SUMF1: variants seen among roughly 807,000 people sequenced by gnomAD.
The protein encoded by SUMF1 is sulfatase modifying factor 1.
Under a neutral mutation model 47.6 loss-of-function variants are expected in SUMF1, and 48 were observed. The ratio of observed to expected loss-of-function variants is 1.01; its 90% CI spans 0.80 to 1.28. The LOEUF (loss-of-function observed/expected upper bound fraction) is 1.28, where lower values mean the gene tolerates loss of function less well. Among genes scored for constraint, SUMF1 ranks in the 50% most tolerant of loss-of-function variants. The pLI is 0.00. For synonymous variants in SUMF1, 230 were observed against 192.1 expected (o/e 1.20, Z -1.63); for missense variants, 571 against 485.4 (o/e 1.18, Z -1.66).
intron 8 of SUMF1, among the ~76,000 whole-genome samples, chr3:4,297,598 G>A (rs1208633847): frequency 1.5e-5 from 2 of 129,164 alleles, no homozygotes; most frequent in South Asian, 4.9e-4. Context: ...GATGGAGTCT[G>A]GCTACGTTGC....
intron 8 of SUMF1, among the ~76,000 whole-genome samples, chr3:4,130,714 C>G (rs981498257): frequency 6.6e-6 from 1 of 151,966 alleles, no homozygotes; most frequent in Non-Finnish European, 1.5e-5. Context: ...CCTCCTACAA[C>G]CAAGAAAGAG....
In SUMF1 at chr3:4,189,926, G is replaced by C. The variant is rs190375159; in HGVS notation, c.1015-121181C>G. 9.3e-4 allele frequency among the ~76,000 whole-genome samples: 141 copies of C among 152,200 alleles called. 1 individual carries two copies. Among genetic ancestry groups the C allele is most frequent in the Admixed American group, 6.1e-3 (93 of 15,264 alleles). ...TCATGTAAAGTGTCTGCTTTCATCT[G>C]AGCATCTGCAAAATCAATTTTCCTT... On this transcript the variant is annotated intron_variant and NMD_transcript_variant, in intron 8 of 12. Transcript: ENST00000448413.
At chr3:4,147,183 G>A (rs1032710697) in intron 8 of SUMF1, among the ~76,000 whole-genome samples, 1 of 152,164 alleles carries the variant, frequency 6.6e-6, no homozygotes, top group Non-Finnish European at 1.5e-5. Context: ...TGGAGAGGAT[G>A]TGGGGAAATA....
chr3:4,157,583 G>T (rs2686697), intron 8 of SUMF1, among the ~76,000 whole-genome samples: 5 of 151,212 alleles, frequency 3.3e-5, no homozygotes, highest in South Asian at 2.1e-4. Context: ...TTGACTTCTA[G>T]GTCATCCTGC....
intron 9 of SUMF1, among the ~76,000 whole-genome samples, chr3:4,044,425 G>GCC (rs1694969796): frequency 6.6e-6 from 1 of 152,134 alleles, no homozygotes; most frequent in African/African-American, 2.4e-5. Context: ...TGAAATGGTT[G>GCC]CCCAAAATGA....
intron 8 of SUMF1, among the ~76,000 whole-genome samples, chr3:4,212,774 T>C (rs1190363281): frequency 6.6e-6 from 1 of 152,122 alleles, no homozygotes; most frequent in Non-Finnish European, 1.5e-5. Flanking sequence ...TACACAAGTA[T>C]CAATAGCCGA....
chr3:4,205,041 C>T (rs1282265160), intron 8 of SUMF1, among the ~76,000 whole-genome samples: 2 of 152,072 alleles, frequency 1.3e-5, no homozygotes, highest in East Asian at 3.9e-4. Flanking sequence ...CCAAGCTAAG[C>T]CACCATATCC....
intron 8 of SUMF1, among the ~76,000 whole-genome samples, chr3:4,301,267 G>GTCAACA: frequency 6.6e-6 from 1 of 152,158 alleles, no homozygotes; most frequent in Non-Finnish European, 1.5e-5. Context: ...CAAGTAGAAT[G>GTCAACA]GCTTTTTGAG....
At chr3:4,209,269 A>G (rs1237324662) in intron 8 of SUMF1, among the ~76,000 whole-genome samples, 1 of 152,176 alleles carries the variant, frequency 6.6e-6, no homozygotes, top group African/African-American at 2.4e-5. Flanking sequence ...TTAAAATCCT[A>G]CATACAAAAA....
chr3:4,077,765 C>T (rs1418317186), intron 8 of SUMF1, among the ~76,000 whole-genome samples: 4 of 152,014 alleles, frequency 2.6e-5, no homozygotes, highest in African/African-American at 9.7e-5. Context: ...TGTAACAAAC[C>T]TGCACGTTGT....
intron 6 of SUMF1, among the ~76,000 whole-genome samples, chr3:4,411,679 T>G (rs1701545968): frequency 6.7e-6 from 1 of 150,344 alleles, no homozygotes; most frequent in Non-Finnish European, 1.5e-5. Flanking sequence ...AGTGCAGAGT[T>G]TTTATAAAAG....
intron 8 of SUMF1, among the ~76,000 whole-genome samples, chr3:4,163,496 G>C (rs1220320991): frequency 1.5e-5 from 1 of 68,416 alleles, no homozygotes; most frequent in Non-Finnish European, 3.9e-5. Flanking sequence ...ATCTCTCAAA[G>C]ACCTATTACA....
At chr3:4,337,319 T>A (rs1246662719) in intron 8 of SUMF1, among the ~76,000 whole-genome samples, 1 of 151,336 alleles carries the variant, frequency 6.6e-6, no homozygotes, top group Non-Finnish European at 1.5e-5. Context: ...ATCACCTCCA[T>A]CACCCTACTG....
chr3:4,164,622 G>A (rs1694657387), intron 8 of SUMF1, among the ~76,000 whole-genome samples: 1 of 152,134 alleles, frequency 6.6e-6, no homozygotes, highest in African/African-American at 2.4e-5. Flanking sequence ...GAACCACCAA[G>A]GTTTGTTTGT....
chr3:4,053,293 T>A (rs949075745), intron 9 of SUMF1, among the ~76,000 whole-genome samples: 2 of 152,094 alleles, frequency 1.3e-5, no homozygotes, highest in African/African-American at 2.4e-5. Context: ...TGGACATGGT[T>A]CGTGGCACCC....
chr3:4,130,202 C>T (rs780804096), intron 8 of SUMF1, among the ~76,000 whole-genome samples: 1 of 152,130 alleles, frequency 6.6e-6, no homozygotes, highest in Non-Finnish European at 1.5e-5. Context: ...ATAAGCTTAA[C>T]CAACTGGCGA....
intron 8 of SUMF1, among the ~76,000 whole-genome samples, chr3:4,191,299 T>G (rs1001458760): frequency 6.6e-6 from 1 of 152,110 alleles, no homozygotes; most frequent in African/African-American, 2.4e-5. Context: ...CCCACCATAC[T>G]CACACAGCAA....
intron 8 of SUMF1, among the ~76,000 whole-genome samples, chr3:4,121,359 A>C (rs1693536220): frequency 6.6e-6 from 1 of 152,186 alleles, no homozygotes. Flanking sequence ...ACTATGTACT[A>C]GGTTCCACGC....
intron 1 of SUMF1, among the ~76,000 whole-genome samples, chr3:4,464,338 G>A (rs145951752): frequency 1.6e-3 from 237 of 151,724 alleles, no homozygotes; most frequent in Middle Eastern, 0.014. Context: ...TTCCTCTCCA[G>A]GTACTCTGGA....
Sources: allele counts gnomAD v4.1 joint callset (sites outside exome capture counted in the v4.1 genomes callset), GRCh38; gene constraint gnomAD v4.1.1; transcripts MANE v1.5; gene names NCBI Gene and HGNC (gene_info 2026-07-23, HGNC 2026-07-21).